Variants in NFATC1 observed in about 807,000 individuals in gnomAD.
The protein encoded by NFATC1 is nuclear factor of activated T cells 1, also known as nuclear factor of activated T-cells, cytoplasmic 1.
NFATC1 carries 22 observed loss-of-function variants against 76.0 expected under a neutral mutation model. The ratio of observed to expected loss-of-function variants is 0.29; its 90% CI spans 0.21 to 0.41. NFATC1 has a LOEUF of 0.41. Ranked by LOEUF, NFATC1 falls within the 10% of genes least tolerant of loss-of-function variation. The probability of loss-of-function intolerance (pLI) is 1.00; values close to 1 mark genes in which losing one functional copy is unlikely to be tolerated. For synonymous variants in NFATC1, 704 were observed against 613.1 expected (o/e 1.15, Z -2.19); for missense variants, 1,357 against 1,337.7 (o/e 1.01, Z -0.23).
rs532950982 is a variant in NFATC1 at position 79,449,360 on chromosome 18, G to T, written c.1589+376G>T. ...TCTGGATCACGTTGACCTTTAGGAGGTTCCGACAACACGGATAGGCCTGTG... is the reference window on the plus strand; with the variant it reads ...TCTGGATCACGTTGACCTTTAGGAGTTTCCGACAACACGGATAGGCCTGTG... On this transcript the variant is annotated intron_variant, in intron 4 of 9. Coordinates refer to ENST00000427363, the MANE Select transcript of NFATC1 (RefSeq NM_001278669.2). Among the ~76,000 whole-genome samples the T allele has an allele frequency of 3.9e-5, 6 of 152,354 alleles. No individual in the cohort carries two copies. In the East Asian group the frequency reaches 1.2e-3, roughly 29 times the overall value.
intron 9 of NFATC1, among the ~76,000 whole-genome samples, chr18:79,491,539 G>A (rs987346351): frequency 3.9e-5 from 6 of 152,192 alleles, no homozygotes; most frequent in South Asian, 2.1e-4. Flanking sequence ...TGGGCCGATC[G>A]GACACAAGGC....
chr18:79,494,874 C>G (rs1480792312), intron 9 of NFATC1, among the ~76,000 whole-genome samples: 1 of 137,624 alleles, frequency 7.3e-6, no homozygotes, highest in African/African-American at 2.7e-5. Flanking sequence ...AAGGCGAGAG[C>G]GGGCACACGC....
At position 79,491,666 on chromosome 18, in the gene NFATC1, G is replaced by A. The variant is rs184109931; in HGVS notation, c.2782+4729G>A. Among the ~76,000 whole-genome samples, 395 of 152,330 alleles carry A rather than the reference G, an allele frequency of 2.6e-3. 9 individuals are homozygous for A. Among genetic ancestry groups the A allele is most frequent in the Admixed American group, 0.022 (343 of 15,312 alleles). ...CCAGCCTCCCCGGCTTCCCTTCTGCGTTCCGCTGGCCTGGCCGCCACCTCC... is the reference window on the plus strand; with the variant it reads ...CCAGCCTCCCCGGCTTCCCTTCTGCATTCCGCTGGCCTGGCCGCCACCTCC... On this transcript the variant is annotated intron_variant, in intron 9 of 9. Coordinates refer to ENST00000427363, the MANE Select transcript of NFATC1 (RefSeq NM_001278669.2).
rs564622217 is a variant in NFATC1 at position 79,436,567 on chromosome 18, C to T, written c.1386+2829C>T. 5.9e-5 allele frequency among the ~76,000 whole-genome samples: 9 copies of T among 152,334 alleles called. 1 individual carries two copies. The highest frequency in any genetic ancestry group is 2.2e-4 in the African/African-American group (9 of 41,572). Reference sequence around the variant, plus strand: ...CGCGTCCTCCCACGCCCGCTGTCTCCGTCCTCCCCATCCCCATGTGTTTCG... The same window carrying T: ...CGCGTCCTCCCACGCCCGCTGTCTCTGTCCTCCCCATCCCCATGTGTTTCG... On this transcript the variant is annotated intron_variant, in intron 3 of 9. Transcript: ENST00000427363.
At chr18:79,511,395 C>G (rs923876705) in intron 9 of NFATC1, among the ~76,000 whole-genome samples, 1 of 152,190 alleles carries the variant, frequency 6.6e-6, no homozygotes, top group Non-Finnish European at 1.5e-5. Context: ...ACCTCCGTGA[C>G]TTTTCTATTC....
intron 8 of NFATC1, among the ~76,000 whole-genome samples, chr18:79,474,408 G>T (rs1294540448): frequency 1.4e-5 from 2 of 140,442 alleles, no homozygotes; most frequent in African/African-American, 5.6e-5. Context: ...AGGGAAGCGT[G>T]TTCTCTCACT....
At chr18:79,483,924 AC>A (rs1381224334) in intron 8 of NFATC1, among the ~76,000 whole-genome samples, 5 of 131,326 alleles carry the variant, frequency 3.8e-5, no homozygotes, top group African/African-American at 9.0e-5. Flanking sequence ...CTGGGGTGTC[AC>A]TCCAGCGTGA....
rs558149112 is a variant in NFATC1 at position 79,475,627 on chromosome 18, G to A, written c.2092+8045G>A. Among the ~76,000 whole-genome samples, 13 of 152,360 alleles carry A rather than the reference G, an allele frequency of 8.5e-5. No homozygotes were observed. The South Asian group carries it at 1.2e-3, about 15-fold the overall frequency. On this transcript the variant is annotated intron_variant, in intron 8 of 9. Transcript: ENST00000427363. ...TCACTGTCGACGTTGTGAGGGAAGC[G>A]TGTTCTCACGCTCACTGTCAACGTT...
Position 79,411,406 on chromosome 18 carries a change from C to A in NFATC1, c.1131C>A (p.Ile377=). ...AAGACTACTCCTCTTTCCAGCACAT[C>A]AGGAAGGGCGGCTTCTGCGACCAGT... ...APEDYSSFQH[I]RKGGFCDQYL... is the part of the protein sequence containing the mutation. Residue 377 remains isoleucine (I), a synonymous_variant, in exon 2 of 10, where the codon ATC becomes ATA. Coordinates refer to ENST00000427363, the MANE Select transcript of NFATC1 (RefSeq NM_001278669.2). 1 of 1,563,234 alleles carries A rather than the reference C, an allele frequency of 6.4e-7. No individual in the cohort carries two copies. Among genetic ancestry groups the A allele is most frequent in the South Asian group, 1.2e-5 (1 of 82,794 alleles).
Position 79,396,206 on chromosome 18 carries a change from C to G in NFATC1, c.-19C>G. ...CTGTGCCTCCGCCCGCCGCTCCACT[C>G]CCCGCCGCCGCCGCGCGGATGCCAA... On this transcript the variant is annotated 5_prime_UTR_variant, in exon 1 of 10. Coordinates refer to ENST00000427363, the MANE Select transcript of NFATC1 (RefSeq NM_001278669.2). 1 of 1,472,958 alleles carries G rather than the reference C, an allele frequency of 6.8e-7. No individual in the cohort carries two copies. The highest frequency in any genetic ancestry group is 9.1e-7 in the Non-Finnish European group (1 of 1,103,224). The allele number at this position is 1,472,958 out of a possible 1,614,324, so 91.2% of individuals were successfully genotyped here. A position where few individuals can be genotyped will look rare whatever the true frequency, so the allele number is the denominator to read the frequency against.
intron 9 of NFATC1, among the ~76,000 whole-genome samples, chr18:79,512,786 G>A (rs2090288641): frequency 6.6e-6 from 1 of 152,234 alleles, no homozygotes; most frequent in Non-Finnish European, 1.5e-5. Context: ...CGAGCTCTCA[G>A]CCCCTGTATG....
chr18:79,528,815 C>T lies in NFATC1; in HGVS notation c.*1238C>T, dbSNP rs541011344. The T allele has an allele frequency of 6.6e-6, 1 of 152,480 alleles. No individual in the cohort carries two copies. Among genetic ancestry groups the T allele is most frequent in the African/African-American group, 2.4e-5 (1 of 41,428 alleles). 9.4% of individuals were successfully genotyped at this position (152,480 alleles called of 1,614,324 possible). A position where few individuals can be genotyped will look rare whatever the true frequency, so the allele number is the denominator to read the frequency against. On this transcript the variant is annotated 3_prime_UTR_variant, in exon 10 of 10. Transcript: ENST00000427363. ...TGTTAACAGGTAGGTTTGTGTAGGC[C>T]TTGCTGGGCACTCTGTACAATTAGT...
intron 9 of NFATC1, chr18:79,527,288 T>C (rs1293221885): frequency 4.1e-6 from 2 of 490,926 alleles, no homozygotes; most frequent in Non-Finnish European, 7.4e-6. Context: ...GTCAGAGACG[T>C]GCTGGTACCG....
chr18:79,495,625 C>A (rs563158442), intron 9 of NFATC1, among the ~76,000 whole-genome samples: 1 of 152,362 alleles, frequency 6.6e-6, no homozygotes, highest in Non-Finnish European at 1.5e-5. Context: ...CTATTTTGTG[C>A]CGAAGAAAAT....
intron 3 of NFATC1, among the ~76,000 whole-genome samples, chr18:79,441,287 G>A (rs934033752): frequency 8.5e-5 from 13 of 152,110 alleles, no homozygotes; most frequent in South Asian, 2.1e-4. Context: ...AGGATTCCTC[G>A]GGCCCTTCAC....
At chr18:79,398,382 C>T (rs916862341) in intron 1 of NFATC1, among the ~76,000 whole-genome samples, 1 of 152,250 alleles carries the variant, frequency 6.6e-6, no homozygotes, top group Admixed American at 6.5e-5. Flanking sequence ...TCACACCCAG[C>T]GGGGCTTCTG....
chr18:79,446,209 C>T (rs1233829794), intron 3 of NFATC1, among the ~76,000 whole-genome samples: 1 of 152,124 alleles, frequency 6.6e-6, no homozygotes, highest in Admixed American at 6.5e-5. Flanking sequence ...AGATGTTTAC[C>T]TCCCAGGTGA....
chr18:79,438,055 G>A (rs963834875), intron 3 of NFATC1, among the ~76,000 whole-genome samples: 3 of 152,204 alleles, frequency 2.0e-5, no homozygotes, highest in Non-Finnish European at 4.4e-5. Context: ...CTCCACCTGC[G>A]TGTTCTCCAT....
chr18:79,483,222 G>A (rs1219766647), intron 8 of NFATC1, among the ~76,000 whole-genome samples: 27 of 131,492 alleles, frequency 2.1e-4, no homozygotes, highest in Non-Finnish European at 6.5e-5. Flanking sequence ...TAATTCCAGC[G>A]TGACCTGGTC....
Sources: allele counts gnomAD v4.1 joint callset (sites outside exome capture counted in the v4.1 genomes callset), GRCh38; gene constraint gnomAD v4.1.1; transcripts MANE v1.5; gene names NCBI Gene and HGNC (gene_info 2026-07-23, HGNC 2026-07-21).